The following CCDC93 variants were observed in gnomAD, a reference collection of about 807,000 sequenced individuals.
The protein encoded by CCDC93 is coiled-coil domain-containing protein 93.
In CCDC93, 61 loss-of-function variants were observed where a neutral mutation model predicts 108.2. The observed-to-expected ratio is 0.56, with a 90% confidence interval of 0.46 to 0.70. CCDC93 has a LOEUF of 0.70. CCDC93 is among the 30% of genes least tolerant of loss of function. The pLI is 0.00. For missense variants in CCDC93, 685 were observed against 764.2 expected, an observed-to-expected ratio of 0.90 and a Z score of 1.22; for synonymous variants, 276 against 260.4, an observed-to-expected ratio of 1.06 and a Z score of -0.58.
intron 7 of CCDC93, among the ~76,000 whole-genome samples, chr2:117,980,469 A>C (rs577704231): frequency 2.4e-4 from 36 of 152,260 alleles, no homozygotes; most frequent in African/African-American, 7.7e-4. Context: ...TGAACAACCA[A>C]ATCTGAGTGA....
At chr2:117,974,391 T>C (rs1479148798) in intron 10 of CCDC93, among the ~76,000 whole-genome samples, 3 of 152,108 alleles carry the variant, frequency 2.0e-5, no homozygotes, top group African/African-American at 7.2e-5. Context: ...CTCTAAAATA[T>C]CTCTTTACTA....
chr2:117,965,986 C>T (rs1679555935), intron 11 of CCDC93, among the ~76,000 whole-genome samples: 1 of 152,122 alleles, frequency 6.6e-6, no homozygotes, highest in Non-Finnish European at 1.5e-5. Context: ...GAGTTACAAA[C>T]CCAGGGTGGA....
At chr2:117,950,030 G>C in intron 13 of CCDC93, 1 of 985,352 alleles carries the variant, frequency 1.0e-6, no homozygotes, top group Middle Eastern at 5.2e-4. Context: ...GGCAGGGCGG[G>C]GTCCCACATA....
At chr2:117,952,159 AC>A (rs1458547611) in intron 13 of CCDC93, among the ~76,000 whole-genome samples, 7 of 151,786 alleles carry the variant, frequency 4.6e-5, no homozygotes. Flanking sequence ...CACCAAGACC[AC>A]TAAGGGACTA....
intron 23 of CCDC93, among the ~76,000 whole-genome samples, chr2:117,925,651 A>ATC (rs1351873081): frequency 3.3e-5 from 5 of 152,246 alleles, no homozygotes; most frequent in African/African-American, 1.2e-4. Context: ...AAAGAGACTT[A>ATC]GACTACCACA....
chr2:117,920,315 A>G lies in CCDC93; in HGVS notation c.*28T>C, dbSNP rs1339786173. Reference sequence around the variant, plus strand: ...ATATACGGTGCTTAAAAGTAAAATCAATGACATACAGCCACGGCTGGGGAT... The same window carrying G: ...ATATACGGTGCTTAAAAGTAAAATCGATGACATACAGCCACGGCTGGGGAT... On this transcript the variant is annotated 3_prime_UTR_variant, in exon 24 of 24. Coordinates refer to ENST00000376300, the MANE Select transcript of CCDC93 (RefSeq NM_019044.5). 2.5e-6 allele frequency: 4 copies of G among 1,577,584 alleles called. No individual in the cohort carries two copies. Among genetic ancestry groups the G allele is most frequent in the Admixed American group, 3.4e-5 (2 of 59,414 alleles).
intron 4 of CCDC93, chr2:117,996,880 A>G (rs1680669845): frequency 6.5e-6 from 1 of 154,012 alleles, no homozygotes; most frequent in Non-Finnish European, 1.4e-5. Context: ...AAAATGTCCA[A>G]AATACTCAGA....
intron 20 of CCDC93, among the ~76,000 whole-genome samples, chr2:117,938,215 C>G (rs745754716): frequency 6.6e-6 from 1 of 152,140 alleles, no homozygotes; most frequent in Middle Eastern, 3.2e-3. Context: ...AAAAAAGAGG[C>G]CACATTAAAA....
intron 17 of CCDC93, 123 bp downstream of exon 17, chr2:117,945,406 G>A (rs1035873085): frequency 1.3e-5 from 10 of 741,666 alleles, no homozygotes; most frequent in East Asian, 2.5e-5. Context: ...GCCCTGGAAC[G>A]CCTAGATGTG....
chr2:117,988,210 T>C (rs1680376428), intron 6 of CCDC93, among the ~76,000 whole-genome samples: 1 of 152,138 alleles, frequency 6.6e-6, no homozygotes, highest in Admixed American at 6.6e-5. Flanking sequence ...GGTGACCCTT[T>C]TGTAAAGCAG....
rs1677687537 is a variant in CCDC93, at chr2:117,916,425, A to G, written c.*3918T>C. On this transcript the variant is annotated 3_prime_UTR_variant, in exon 24 of 24. Coordinates refer to ENST00000376300, the MANE Select transcript of CCDC93 (RefSeq NM_019044.5). ...ATCTCAAACTTCAAGGTTACAGTAT[A>G]ACATACTCTGAGAGAGACCCTCTAA... 1 of 152,218 alleles carries G rather than the reference A, an allele frequency of 6.6e-6. No homozygotes were observed. The highest frequency in any genetic ancestry group is 1.5e-5 in the Non-Finnish European group (1 of 68,038). The allele number at this position is 152,218 out of a possible 1,614,324, so 9.4% of individuals were successfully genotyped here.
chr2:117,983,783 G>A (rs1230397643), intron 7 of CCDC93, among the ~76,000 whole-genome samples: 1 of 152,000 alleles, frequency 6.6e-6, no homozygotes, highest in African/African-American at 2.4e-5. Flanking sequence ...AGCCTTCCCA[G>A]GGAGGTGGAA....
chr2:117,985,784 G>C (rs1031194930), intron 7 of CCDC93, among the ~76,000 whole-genome samples, 185 bp downstream of exon 7: 5 of 152,146 alleles, frequency 3.3e-5, no homozygotes, highest in African/African-American at 9.7e-5. Context: ...TTTCCAGAGA[G>C]GAATTGCAAA....
intron 4 of CCDC93, chr2:117,997,692 G>C (rs1045400118): frequency 6.6e-6 from 1 of 152,296 alleles, no homozygotes; most frequent in Non-Finnish European, 1.5e-5. Flanking sequence ...CTCAGGCAAA[G>C]ACTAAAATCC....
chr2:117,957,602 G>A (rs1293537957), intron 12 of CCDC93, among the ~76,000 whole-genome samples: 7 of 152,092 alleles, frequency 4.6e-5, no homozygotes, highest in African/African-American at 4.8e-5. Context: ...ATTTAAACAC[G>A]TCAATGGCTT....
chr2:118,009,281 G>A (rs1333591015), intron 1 of CCDC93, among the ~76,000 whole-genome samples: 1 of 152,094 alleles, frequency 6.6e-6, no homozygotes, highest in Non-Finnish European at 1.5e-5. Context: ...TGAGGCACAA[G>A]AATCGCTTGA....
In CCDC93 at chr2:118,008,193, T is replaced by G. The variant is rs537938142; in HGVS notation, c.156+352A>C. Among the ~76,000 whole-genome samples the G allele has an allele frequency of 1.7e-4, 26 of 152,368 alleles. No individual in the cohort carries two copies. The South Asian group carries it at 5.4e-3, about 32-fold the overall frequency. On this transcript the variant is annotated intron_variant, in intron 2 of 23. Transcript: ENST00000376300. The stretch of plus-strand genomic sequence containing the variant: ...ATCCGCAGAATATCTGGCAACCGTC[T>G]GTGAGCACGCTGACTTGGGATAGCT...
chr2:117,939,261 C>G (rs1678621813), intron 19 of CCDC93, 150 bp from the exon 20 acceptor site: 1 of 567,040 alleles, frequency 1.8e-6, no homozygotes, highest in Admixed American at 3.2e-5. Context: ...ACTGAATTGC[C>G]TGGGAAGCTT....
At position 117,944,048 on chromosome 2, in the gene CCDC93, T is replaced by C. The variant is rs751568212; in HGVS notation, c.1389A>G (p.Lys463=). 4.4e-6 allele frequency: 7 copies of C among 1,606,400 alleles called. No homozygotes were observed. In the African/African-American group the frequency reaches 6.7e-5, roughly 15 times the overall value. Residue 463 remains lysine, a synonymous_variant, in exon 18 of 24, where the codon AAA becomes AAG. Transcript: ENST00000376300. The stretch of plus-strand genomic sequence containing the variant: ...CCTGTAGTAAACGTATCTTGTAAAG[T>C]TTCTCTTTCTCCATATTATACCGTC... ...LDRRYNMEKE[K]LYKIRLLQAR... is the part of the protein sequence containing the mutation.
Sources: allele counts gnomAD v4.1 joint callset (sites outside exome capture counted in the v4.1 genomes callset), GRCh38; gene constraint gnomAD v4.1.1; transcripts MANE v1.5; gene names NCBI Gene and HGNC (gene_info 2026-07-23, HGNC 2026-07-21).